Variants in NRL observed in about 807,000 individuals in gnomAD.
NRL encodes the protein neural retina-specific leucine zipper protein.
In NRL, 16 loss-of-function variants were observed where a neutral mutation model predicts 12.5. The observed-to-expected ratio is 1.28, with a 90% confidence interval of 0.87 to 1.95. NRL has a LOEUF of 1.95. NRL is among the 30% of genes most tolerant of loss of function. The pLI, the probability that NRL is intolerant of heterozygous loss-of-function variation, is 0.00. For synonymous variants in NRL, 142 were observed against 150.9 expected (o/e 0.94, Z 0.43); for missense variants, 314 against 325.8 (o/e 0.96, Z 0.28).
At chr14:24,106,743 T>TA (rs140500080) in intron 1 of NRL, among the ~76,000 whole-genome samples, 22,031 of 150,838 alleles carry the variant, frequency 0.15, 2,542 homozygotes, top group African/African-American at 0.32. Context: ...AATAAATAAA[T>TA]AAATTTAAAA....
rs1296550864 is a variant in NRL, at chr14:24,082,810, G to C, written c.39C>G (p.Val13=). The C allele has an allele frequency of 6.2e-7, 1 of 1,613,902 alleles. No individual in the cohort carries two copies. The highest frequency in any genetic ancestry group is 8.5e-7 in the Non-Finnish European group (1 of 1,179,944). Residue 13 remains valine, a synonymous_variant, in exon 2 of 3, where the codon GTC becomes GTG. Transcript: ENST00000561028. Reference sequence around the variant, plus strand: ...CAAACTTCATCAAGTCAAAGTCATTGACATATTCCATGGCCAGGGGGCTGG... The same window carrying C: ...CAAACTTCATCAAGTCAAAGTCATTCACATATTCCATGGCCAGGGGGCTGG... The part of the protein sequence containing the change: ...LPPSPLAMEY[V]NDFDLMKFEV...
intron 1 of NRL, among the ~76,000 whole-genome samples, chr14:24,086,081 G>A (rs1398456928): frequency 6.6e-6 from 1 of 152,182 alleles, no homozygotes; most frequent in Non-Finnish European, 1.5e-5. Flanking sequence ...GCTGGGCATA[G>A]TGGCAGGCAC....
rs757239220 is a variant in NRL at position 24,094,369 on chromosome 14, C to G, written c.-27-11494G>C. On this transcript the variant is annotated intron_variant, in intron 1 of 2. Coordinates refer to ENST00000561028, the MANE Select transcript of NRL (RefSeq NM_001354768.3). This position sits in a 1 kb window ranked among gnomAD's most constrained non-coding sequence, Gnocchi z 4.1. ...CCTTCCATACCTCCCCGGCTCCGCT[C>G]GGTTCCTGGCCACCCCGCAGCCCCT... is the stretch of plus-strand genomic sequence containing the variant. The G allele has an allele frequency of 2.0e-6, 3 of 1,533,722 alleles. No individual in the cohort carries two copies. The highest frequency in any genetic ancestry group is 2.4e-5 in the South Asian group (2 of 84,004).
intron 1 of NRL, chr14:24,100,203 C>CT (rs1196828975): frequency 1.9e-6 from 3 of 1,614,178 alleles, no homozygotes; most frequent in Non-Finnish European, 2.5e-6. Context: ...TGGGCAAACC[C>CT]TGGAAACCTG....
intron 1 of NRL, chr14:24,098,388 G>A (rs749046501): frequency 5.0e-6 from 8 of 1,611,986 alleles, no homozygotes; most frequent in Non-Finnish European, 5.9e-6. Flanking sequence ...TGCATGCAGG[G>A]TAACCAGGGC....
chr14:24,106,004 C>T (rs1039220747), intron 1 of NRL, among the ~76,000 whole-genome samples: 1 of 152,248 alleles, frequency 6.6e-6, no homozygotes, highest in East Asian at 1.9e-4. Flanking sequence ...GATTGTCACT[C>T]AGCAAGTCTG....
chr14:24,108,626 C>T (rs2037374436), intron 1 of NRL, among the ~76,000 whole-genome samples: 1 of 151,998 alleles, frequency 6.6e-6, no homozygotes, highest in East Asian at 1.9e-4. Context: ...GCCACTACCC[C>T]GGGCCACTAA....
chr14:24,108,002 C>T (rs1482103089), intron 1 of NRL, among the ~76,000 whole-genome samples: 1 of 152,172 alleles, frequency 6.6e-6, no homozygotes, highest in Non-Finnish European at 1.5e-5. Context: ...ATTAAATTGA[C>T]CTTATTAAAT....
rs898383754 is a variant in NRL at position 24,104,248 on chromosome 14, T to C, written c.-28+10474A>G. ...CAGCCTGGCACAATCAAAGATCTGT[T>C]TTACAGGTAGCTCTAGCACTGGGTC... On this transcript the variant is annotated intron_variant, in intron 1 of 2. Coordinates refer to ENST00000561028, the MANE Select transcript of NRL (RefSeq NM_001354768.3). 6 of 431,252 alleles carry C rather than the reference T, an allele frequency of 1.4e-5. 1 individual carries two copies. Among genetic ancestry groups the C allele is most frequent in the Admixed American group, 1.1e-4 (3 of 27,318 alleles). The allele number at this position is 431,252 out of a possible 1,614,324, so 26.7% of individuals were successfully genotyped here.
At chr14:24,103,837 C>G (rs995134509) in intron 1 of NRL, 1 of 1,614,014 alleles carries the variant, frequency 6.2e-7, no homozygotes, top group Admixed American at 1.7e-5. Context: ...TTCTCCCTCC[C>G]CAAGGACTTC....
In NRL at chr14:24,094,115, C is replaced by T. The variant is rs772460754; in HGVS notation, c.-27-11240G>A. 11 of 542,438 alleles carry T rather than the reference C, an allele frequency of 2.0e-5. No individual in the cohort carries two copies. Among genetic ancestry groups the T allele is most frequent in the Non-Finnish European group, 2.6e-5 (8 of 309,776 alleles). The allele number at this position is 542,438 out of a possible 1,614,324, so 33.6% of individuals were successfully genotyped here. ...TCGGGGGCCGAAGAGTGGACCCAGTCCTCCAATGGGAGAGATGGGTTTGGC... is the reference window on the plus strand; with the variant it reads ...TCGGGGGCCGAAGAGTGGACCCAGTTCTCCAATGGGAGAGATGGGTTTGGC... On this transcript the variant is annotated intron_variant, in intron 1 of 2. Transcript: ENST00000561028. This position sits in a 1 kb window ranked among gnomAD's most constrained non-coding sequence, Gnocchi z 4.1.
At chr14:24,089,827 C>G (rs2036566118) in intron 1 of NRL, among the ~76,000 whole-genome samples, 1 of 152,108 alleles carries the variant, frequency 6.6e-6, no homozygotes, top group African/African-American at 2.4e-5. Flanking sequence ...GAGGTGTGGA[C>G]AGGGTGGGAA....
Position 24,081,005 on chromosome 14 carries a change from G to A in NRL, c.*231C>T. The A allele has an allele frequency of 2.6e-6, 1 of 390,836 alleles. No homozygotes were observed. The highest frequency in any genetic ancestry group is 2.1e-5 in the African/African-American group (1 of 47,992). 24.2% of individuals were successfully genotyped at this position (390,836 alleles called of 1,614,324 possible). ...CAGAGCTCAGCGTGCTAGTCATGTG[G>A]GCTGGGTTTCTGTGTTCGTAAGGGG... is the stretch of plus-strand genomic sequence containing the variant. On this transcript the variant is annotated 3_prime_UTR_variant, in exon 3 of 3. Coordinates refer to ENST00000561028, the MANE Select transcript of NRL (RefSeq NM_001354768.3). The surrounding 1 kb of genome is among the most constrained non-coding windows in gnomAD (Gnocchi z 4.4).
Position 24,085,712 on chromosome 14 carries a change from C to G in NRL, c.-27-2837G>C, listed in dbSNP as rs2036449535. ...AAGGTCATCACTTATAAAACTTAAC[C>G]TGGTCCCAGCCTTATATGTTGGGGA... On this transcript the variant is annotated intron_variant, in intron 1 of 2. Transcript: ENST00000561028. The surrounding 1 kb of genome is among the most constrained non-coding windows in gnomAD (Gnocchi z 4.1). Among the ~76,000 whole-genome samples the G allele has an allele frequency of 6.6e-6, 1 of 152,218 alleles. No individual in the cohort carries two copies.
intron 1 of NRL, among the ~76,000 whole-genome samples, chr14:24,104,375 A>C (rs1269691256): frequency 6.6e-6 from 1 of 151,940 alleles, no homozygotes; most frequent in Non-Finnish European, 1.5e-5. Context: ...CACGCCTGTA[A>C]TCCCAGCACT....
At position 24,094,129 on chromosome 14, in the gene NRL, G is replaced by C. The variant is rs56124671; in HGVS notation, c.-27-11254C>G. Reference sequence around the variant, plus strand: ...GTGGACCCAGTCCTCCAATGGGAGAGATGGGTTTGGCGGTTTGGAGGCAGG... The same window carrying C: ...GTGGACCCAGTCCTCCAATGGGAGACATGGGTTTGGCGGTTTGGAGGCAGG... On this transcript the variant is annotated intron_variant, in intron 1 of 2. Coordinates refer to ENST00000561028, the MANE Select transcript of NRL (RefSeq NM_001354768.3). The surrounding 1 kb of genome is among the most constrained non-coding windows in gnomAD (Gnocchi z 4.1). The C allele has an allele frequency of 1.1e-3, 609 of 545,574 alleles. 3 individuals carry two copies. Among genetic ancestry groups the C allele is most frequent in the Non-Finnish European group, 1.5e-3 (482 of 311,526 alleles). The allele number at this position is 545,574 out of a possible 1,614,324, so 33.8% of individuals were successfully genotyped here.
At chr14:24,100,134 C>G in intron 1 of NRL, 2 of 1,613,396 alleles carry the variant, frequency 1.2e-6, no homozygotes, top group Non-Finnish European at 1.7e-6. Flanking sequence ...GTGATGGTGG[C>G]GTGTACTGGG....
At chr14:24,086,589 T>C (rs1241772193) in intron 1 of NRL, among the ~76,000 whole-genome samples, 1 of 152,126 alleles carries the variant, frequency 6.6e-6, no homozygotes. Flanking sequence ...CTCTCCAAAG[T>C]GGACACCCAG....
intron 1 of NRL, among the ~76,000 whole-genome samples, chr14:24,086,556 A>G (rs1327382282): frequency 6.6e-6 from 1 of 152,244 alleles, no homozygotes; most frequent in Non-Finnish European, 1.5e-5. Context: ...GCAGGACCCC[A>G]CACACATGCC....
Sources: gnomAD v4.1 joint callset for allele counts (sites outside exome capture counted in the v4.1 genomes callset) on GRCh38, gnomAD v4.1.1 for gene constraint, Gnocchi (gnomAD v3.1) non-coding constraint, MANE v1.5 for transcripts, NCBI Gene and HGNC (gene_info 2026-07-23, HGNC 2026-07-21) for gene names.